Variants in SBF2 observed in about 807,000 individuals in gnomAD.
SBF2 encodes myotubularin-related protein 13.
SBF2 carries 112 observed loss-of-function variants against 225.2 expected under a neutral mutation model. The observed-to-expected ratio is 0.50, with a 90% CI of 0.43 to 0.58. The LOEUF (loss-of-function observed/expected upper bound fraction) is 0.58. Among genes scored for constraint, SBF2 ranks in the 20% least tolerant of loss-of-function variants. The probability of loss-of-function intolerance (pLI) is 0.00; values close to 1 mark genes in which losing one functional copy is unlikely to be tolerated. For synonymous variants in SBF2, 763 were observed against 773.3 expected (o/e 0.99, Z 0.22); for missense variants, 1,996 against 2,206.2 (o/e 0.90, Z 1.91).
chr11:10,239,766 C>T (rs879486243), intron 1 of SBF2, among the ~76,000 whole-genome samples: 6 of 136,342 alleles, frequency 4.4e-5, no homozygotes, highest in Non-Finnish European at 8.5e-5. Flanking sequence ...ACTATATAAA[C>T]CTAATGGTAA....
chr11:10,217,426 C>T (rs1357310489), intron 1 of SBF2, among the ~76,000 whole-genome samples: 5 of 152,128 alleles, frequency 3.3e-5, no homozygotes, highest in African/African-American at 9.7e-5. Context: ...AAACAAAACA[C>T]ACACACTCAA....
At chr11:10,094,547 G>GTTTTTTTTTTTTTT (rs1951936280) in intron 2 of SBF2, among the ~76,000 whole-genome samples, 1 of 49,918 alleles carries the variant, frequency 2.0e-5, no homozygotes, top group African/African-American at 7.0e-5. Context: ...TTTTTTTTTT[G>GTTTTTTTTTTTTTT]AGACAGAGTT....
In SBF2 at chr11:9,993,953, G is replaced by T; in HGVS notation, c.1021C>A (p.Pro341Thr). Residue 341 changes from proline (P) to threonine (T), a missense_variant, in exon 10 of 40, where the codon CCA becomes ACA. Coordinates refer to ENST00000256190, the MANE Select transcript of SBF2 (RefSeq NM_030962.4). Reference protein sequence around the residue: ...LEVADHAFPPPRTALSHSKML... With the variant: ...LEVADHAFPPTRTALSHSKML... ...TTTGAGTGGGATAAAGCTGTTCGTG[G>T]AGGAGGAAAAGCATGATCTGCTACT... The T allele has an allele frequency of 8.0e-7, 1 of 1,253,698 alleles. No individual in the cohort carries two copies. The highest frequency in any genetic ancestry group is 1.2e-6 in the Non-Finnish European group (1 of 850,904). The allele number at this position is 1,253,698 out of a possible 1,614,324, so 77.7% of individuals were successfully genotyped here.
At chr11:10,279,985 C>T (rs1385323376) in intron 1 of SBF2, among the ~76,000 whole-genome samples, 1 of 152,190 alleles carries the variant, frequency 6.6e-6, no homozygotes, top group Non-Finnish European at 1.5e-5. Context: ...TTATAGAACA[C>T]AGTTTTCAGT....
At position 9,856,535 on chromosome 11, in the gene SBF2, G is replaced by A. The variant is rs1413823790; in HGVS notation, c.2286C>T (p.Asp762=). Residue 762 remains aspartate (D), a synonymous_variant, in exon 19 of 40, where the codon GAC becomes GAT. Coordinates refer to ENST00000256190, the MANE Select transcript of SBF2 (RefSeq NM_030962.4). ...NLMVNLLVPL[D]TSKNKLLRTS... ...TTCTTAGGAGCTTGTTTTTACTTGTGTCGAGTGGAACTAGCAGGTTCACCA... is the reference window on the plus strand; with the variant it reads ...TTCTTAGGAGCTTGTTTTTACTTGTATCGAGTGGAACTAGCAGGTTCACCA... 6.2e-7 allele frequency: 1 copy of A among 1,614,126 alleles called. No individual in the cohort carries two copies.
chr11:9,850,090 T>A lies in SBF2; in HGVS notation c.2739A>T (p.Pro913=), dbSNP rs1247998408. 1 of 1,614,154 alleles carries A rather than the reference T, an allele frequency of 6.2e-7. No homozygotes were observed. The part of the protein sequence containing the change: ...GGLLGGPQLL[P]AEGALFLTTY... ...TGGTGAGGAACAAGGCTCCTTCTGCTGGCAGGAGCTGAGGGCCTCCAAGAA... is the reference window on the plus strand; with the variant it reads ...TGGTGAGGAACAAGGCTCCTTCTGCAGGCAGGAGCTGAGGGCCTCCAAGAA... The change falls in exon 22 of 40, where the codon CCA becomes CCT. Residue 913 remains proline, a synonymous_variant. Coordinates refer to ENST00000256190, the MANE Select transcript of SBF2 (RefSeq NM_030962.4).
intron 2 of SBF2, among the ~76,000 whole-genome samples, chr11:10,172,343 T>C (rs1285519970): frequency 6.6e-6 from 1 of 152,058 alleles, no homozygotes; most frequent in African/African-American, 2.4e-5. Flanking sequence ...TTCATTATTG[T>C]TTGTTTCAAA....
chr11:10,085,165 G>C (rs1414583099), intron 2 of SBF2, among the ~76,000 whole-genome samples: 1 of 152,114 alleles, frequency 6.6e-6, no homozygotes, highest in Non-Finnish European at 1.5e-5. Context: ...TGAAAATACT[G>C]TTTTTTCAGG....
At chr11:10,196,859 TATATATA>T (rs1389311082) in intron 1 of SBF2, among the ~76,000 whole-genome samples, 48 of 54,770 alleles carry the variant, frequency 8.8e-4, no homozygotes, top group Middle Eastern at 0.012. Context: ...TATATATATA[TATATATA>T]TTTTTTTTTT....
chr11:9,991,429 C>G (rs755374485), intron 12 of SBF2, among the ~76,000 whole-genome samples: 8 of 152,042 alleles, frequency 5.3e-5, no homozygotes, highest in Non-Finnish European at 8.8e-5. Context: ...TATTTAAGAC[C>G]TTGATTCCTA....
chr11:10,205,851 A>G (rs570393303), intron 1 of SBF2, among the ~76,000 whole-genome samples: 15 of 152,100 alleles, frequency 9.9e-5, no homozygotes, highest in African/African-American at 3.6e-4. Context: ...AGAGAAACTG[A>G]GGTGTCCAGC....
At chr11:10,263,439 G>T (rs956623758) in intron 1 of SBF2, among the ~76,000 whole-genome samples, 1 of 151,992 alleles carries the variant, frequency 6.6e-6, no homozygotes, top group East Asian at 1.9e-4. Context: ...GAATGATCAA[G>T]AGAATGAATT....
chr11:10,042,696 C>G, intron 3 of SBF2, 148 bp downstream of exon 3: 1 of 705,242 alleles, frequency 1.4e-6, no homozygotes, highest in Non-Finnish European at 2.4e-6. Flanking sequence ...TTGCTCTCCT[C>G]TCCAACCTTA....
At chr11:9,967,939 G>GTC (rs1458159453) in intron 14 of SBF2, among the ~76,000 whole-genome samples, 16 of 103,648 alleles carry the variant, frequency 1.5e-4, no homozygotes, top group Non-Finnish European at 2.4e-4. Flanking sequence ...CTGTCTGTCT[G>GTC]TCTGTCTGTC....
chr11:9,868,568 T>C (rs957391379), intron 17 of SBF2, among the ~76,000 whole-genome samples: 2 of 152,136 alleles, frequency 1.3e-5, no homozygotes, highest in East Asian at 1.9e-4. Flanking sequence ...TTTGTTTTTC[T>C]GTTATTTTTA....
At chr11:9,925,257 C>A (rs1243529642) in intron 16 of SBF2, among the ~76,000 whole-genome samples, 3 of 151,832 alleles carry the variant, frequency 2.0e-5, no homozygotes, top group African/African-American at 7.3e-5. Flanking sequence ...ATAGTTCAAC[C>A]TAAAATTAAT....
chr11:10,067,074 T>C (rs1022727641), intron 2 of SBF2, among the ~76,000 whole-genome samples: 4 of 152,004 alleles, frequency 2.6e-5, no homozygotes, highest in African/African-American at 9.7e-5. Context: ...GGCCAGGAGA[T>C]TGAGACCAGC....
At chr11:9,996,873 A>G (rs200781918) in intron 9 of SBF2, among the ~76,000 whole-genome samples, 1 of 152,214 alleles carries the variant, frequency 6.6e-6, no homozygotes, top group East Asian at 1.9e-4. Context: ...CATCTCTGTA[A>G]AAACATTCAA....
intron 2 of SBF2, among the ~76,000 whole-genome samples, chr11:10,189,259 C>T (rs1344801560): frequency 6.6e-6 from 1 of 152,162 alleles, no homozygotes; most frequent in Non-Finnish European, 1.5e-5. Context: ...TTTTCTTAAA[C>T]ATCCCATAAC....
Sources: allele counts gnomAD v4.1 joint callset (sites outside exome capture counted in the v4.1 genomes callset), GRCh38; gene constraint gnomAD v4.1.1; transcripts MANE v1.5; gene names NCBI Gene and HGNC (gene_info 2026-07-23, HGNC 2026-07-21).